BTD: variants seen among roughly 807,000 people sequenced by gnomAD.
BTD encodes biotinidase, also known as biocytinase.
Under a neutral mutation model 17.7 loss-of-function variants are expected in BTD, and 13 were observed. That is an observed-to-expected ratio of 0.74 (90% CI 0.48 to 1.17). The LOEUF (loss-of-function observed/expected upper bound fraction) is 1.17. BTD is among the 50% of genes most tolerant of loss of function. The pLI is 0.00. For missense variants in BTD, 674 were observed against 650.4 expected, an observed-to-expected ratio of 1.04 and a Z score of -0.39; for synonymous variants, 240 against 245.2, an observed-to-expected ratio of 0.98 and a Z score of 0.20.
intron 4 of BTD, among the ~76,000 whole-genome samples, chr3:15,721,575 T>C (rs966351789): frequency 2.0e-5 from 3 of 152,254 alleles, no homozygotes; most frequent in Non-Finnish European, 4.4e-5. Flanking sequence ...ACCTTAGTAA[T>C]AAAGTACAGA....
At chr3:15,660,277 G>A (rs377547093) in intron 3 of BTD, among the ~76,000 whole-genome samples, 6 of 152,198 alleles carry the variant, frequency 3.9e-5, no homozygotes, top group African/African-American at 1.2e-4. Flanking sequence ...CCTCCCACTC[G>A]TGGCAATACT....
Position 15,645,389 on chromosome 3 carries a change from G to T in BTD, c.1473G>T (p.Gln491His). 1 of 1,614,148 alleles carries T rather than the reference G, an allele frequency of 6.2e-7. No homozygotes were observed. Among genetic ancestry groups the T allele is most frequent in the Non-Finnish European group, 8.5e-7 (1 of 1,180,040 alleles). ...TSGMTLEVPDQLGWENDHYFL... is the reference protein window; with the variant it reads ...TSGMTLEVPDHLGWENDHYFL... ...GGATGACCCTAGAAGTCCCTGACCA[G>T]CTTGGCTGGGAGAATGACCACTATT... Residue 491 changes from glutamine (Q) to histidine (H), a missense_variant, in exon 4 of 4, where the codon CAG becomes CAT. Transcript: ENST00000643237.
intron 1 of BTD, among the ~76,000 whole-genome samples, chr3:15,613,894 A>G (rs1264361539): frequency 1.3e-5 from 2 of 152,078 alleles, no homozygotes; most frequent in African/African-American, 4.8e-5. Flanking sequence ...CTGTTTTCAA[A>G]TCACCATATC....
At chr3:15,684,902 TCA>T in intron 3 of BTD, 1 of 255,694 alleles carries the variant, frequency 3.9e-6, no homozygotes, top group Non-Finnish European at 7.6e-6. Context: ...GGTGGGAGGA[TCA>T]CTTGATGCCA....
chr3:15,701,805 TTCAG>T (rs1223664450), intron 3 of BTD, among the ~76,000 whole-genome samples: 1 of 152,188 alleles, frequency 6.6e-6, no homozygotes, highest in East Asian at 1.9e-4. Context: ...AAGGAAGTGT[TTCAG>T]TCAGTGTGTA....
At position 15,645,338 on chromosome 3, in the gene BTD, T is replaced by C. The variant is rs200890252; in HGVS notation, c.1422T>C (p.Tyr474=). Residue 474 remains tyrosine (Y), a synonymous_variant, in exon 4 of 4, where the codon TAT becomes TAC. Coordinates refer to ENST00000643237, the MANE Select transcript of BTD (RefSeq NM_001370658.1). ...FHLWGNFSTS[Y]IFPLFLTSGM... ...TGTGGGGCAACTTCAGTACTTCCTA[T>C]ATCTTTCCTTTGTTTCTGACCTCAG... 12 of 1,614,234 alleles carry C rather than the reference T, an allele frequency of 7.4e-6. No individual in the cohort carries two copies. In the Admixed American group the frequency reaches 8.3e-5, roughly 11 times the overall value.
chr3:15,674,174 C>CAAAAAAAAAAAAAAAAAAAAAAA, intron 3 of BTD, among the ~76,000 whole-genome samples: 1 of 40,288 alleles, frequency 2.5e-5, no homozygotes, highest in Non-Finnish European at 4.1e-5. Flanking sequence ...CCTGCCTCTT[C>CAAAAAAAAAAAAAAAAAAAAAAA]AAAAAAAAAA....
chr3:15,687,565 C>T (rs1299558039), intron 3 of BTD, among the ~76,000 whole-genome samples: 1 of 152,022 alleles, frequency 6.6e-6, no homozygotes, highest in Non-Finnish European at 1.5e-5. Context: ...CAGAAAAGAA[C>T]GTCTATCACT....
In BTD at chr3:15,646,923, C is replaced by T. The variant is rs1478222381; in HGVS notation, c.*1435C>T. ...ATGGGGTTTCCATGCATGGCCTCACCATTAACTCCTCACTGGGGAGACCTT... is the reference window on the plus strand; with the variant it reads ...ATGGGGTTTCCATGCATGGCCTCACTATTAACTCCTCACTGGGGAGACCTT... On this transcript the variant is annotated 3_prime_UTR_variant, in exon 4 of 4. Transcript: ENST00000643237. The T allele has an allele frequency of 6.6e-6, 1 of 152,176 alleles. No individual in the cohort carries two copies. Among genetic ancestry groups the T allele is most frequent in the Non-Finnish European group, 1.5e-5 (1 of 68,032 alleles). The allele number at this position is 152,176 out of a possible 1,614,324, so 9.4% of individuals were successfully genotyped here. A position where few individuals can be genotyped will look rare whatever the true frequency, so the allele number is the denominator to read the frequency against.
chr3:15,719,161 T>C (rs541259453), intron 4 of BTD, among the ~76,000 whole-genome samples: 5 of 152,350 alleles, frequency 3.3e-5, no homozygotes, highest in African/African-American at 9.6e-5. Context: ...GGGTGTAGTA[T>C]GTATACATTT....
chr3:15,703,584 G>A (rs1401745483), intron 3 of BTD, among the ~76,000 whole-genome samples: 2 of 152,220 alleles, frequency 1.3e-5, no homozygotes, highest in Admixed American at 1.3e-4. Context: ...ATGTGCTGGT[G>A]CCTTGATATT....
At chr3:15,637,307 C>T (rs866245110) in intron 2 of BTD, among the ~76,000 whole-genome samples, 1 of 152,188 alleles carries the variant, frequency 6.6e-6, no homozygotes, top group Middle Eastern at 3.4e-3. Flanking sequence ...TCTCACCTGT[C>T]GCATTCTAGA....
intron 3 of BTD, among the ~76,000 whole-genome samples, chr3:15,642,428 A>G (rs902080860): frequency 1.3e-5 from 2 of 150,916 alleles, no homozygotes; most frequent in Admixed American, 6.6e-5. Context: ...ATTCTTTTCT[A>G]TGCATTTCAT....
intron 3 of BTD, among the ~76,000 whole-genome samples, chr3:15,663,408 T>C (rs2065945819): frequency 6.6e-6 from 1 of 152,250 alleles, no homozygotes; most frequent in African/African-American, 2.4e-5. Context: ...AGAATTGGTA[T>C]AATTTCACCC....
intron 3 of BTD, among the ~76,000 whole-genome samples, chr3:15,690,838 A>G (rs999025271): frequency 1.3e-5 from 2 of 152,082 alleles, no homozygotes; most frequent in African/African-American, 4.8e-5. Context: ...TCAAAGTGCT[A>G]GGAATACAGG....
At chr3:15,714,615 G>A (rs764752876), downstream of BTD, 31 of 1,599,062 alleles carry the variant, frequency 1.9e-5, no homozygotes, top group Middle Eastern at 5.0e-4. Context: ...AGAATCTACC[G>A]TGGAGAGCAG....
chr3:15,682,272 A>G (rs921860652), intron 3 of BTD, among the ~76,000 whole-genome samples: 1 of 152,192 alleles, frequency 6.6e-6, no homozygotes, highest in African/African-American at 2.4e-5. Flanking sequence ...AAATTTCTCA[A>G]TTACAATTTC....
intron 3 of BTD, among the ~76,000 whole-genome samples, chr3:15,699,064 C>G (rs1406787770): frequency 6.6e-6 from 1 of 152,150 alleles, no homozygotes; most frequent in Non-Finnish European, 1.5e-5. Context: ...TGGAACAGAA[C>G]AGAGGCCTCA....
At chr3:15,624,388 AT>A (rs1387913740) in intron 1 of BTD, among the ~76,000 whole-genome samples, 1 of 149,984 alleles carries the variant, frequency 6.7e-6, no homozygotes, top group Non-Finnish European at 1.5e-5. Context: ...CTGTTTGTTG[AT>A]TTTTTTCTTT....
Sources: gnomAD v4.1 joint callset for allele counts (sites outside exome capture counted in the v4.1 genomes callset) on GRCh38, gnomAD v4.1.1 for gene constraint, MANE v1.5 for transcripts, NCBI Gene and HGNC (gene_info 2026-07-23, HGNC 2026-07-21) for gene names.